BACE2: variants seen among roughly 807,000 people sequenced by gnomAD.
BACE2 encodes the protein 56 kDa aspartic-like protease.
Under a neutral mutation model 46.2 loss-of-function variants are expected in BACE2, and 17 were observed. The observed-to-expected ratio is 0.37, with a 90% CI of 0.25 to 0.55. BACE2 has a LOEUF of 0.55. Ranked by LOEUF, BACE2 falls within the 20% of genes least tolerant of loss-of-function variation. BACE2 has a pLI of 0.82. For synonymous variants in BACE2, 277 were observed against 295.9 expected, an observed-to-expected ratio of 0.94 and a Z score of 0.66; for missense variants, 595 against 698.1, an observed-to-expected ratio of 0.85 and a Z score of 1.66.
intron 8 of BACE2, among the ~76,000 whole-genome samples, chr21:41,261,935 GT>G (rs1297003050): frequency 6.6e-6 from 1 of 152,106 alleles, no homozygotes; most frequent in Non-Finnish European, 1.5e-5. Flanking sequence ...TGAGTATGTA[GT>G]TTTTGCTGAG....
At chr21:41,243,196 G>T (rs2123604434) in intron 4 of BACE2, among the ~76,000 whole-genome samples, 180 bp from the exon 5 acceptor site, 1 of 152,352 alleles carries the variant, frequency 6.6e-6, no homozygotes. Flanking sequence ...ACAAGCGTGA[G>T]CCACCGCGCC....
chr21:41,240,560 C>T (rs567991735), intron 3 of BACE2, among the ~76,000 whole-genome samples: 1 of 152,198 alleles, frequency 6.6e-6, no homozygotes, highest in Non-Finnish European at 1.5e-5. Flanking sequence ...ACAAGTCACT[C>T]GGCTGGCAAG....
chr21:41,178,891 G>T, intron 1 of BACE2: 1 of 299,218 alleles, frequency 3.3e-6, no homozygotes, highest in Non-Finnish European at 6.4e-6. Context: ...GAGGAGTGCT[G>T]TGAGACAGTG....
rs540016210 is a variant in BACE2 at position 41,266,662 on chromosome 21, G to A, written c.1304-8709G>A. 2.0e-3 allele frequency among the ~76,000 whole-genome samples: 304 copies of A among 152,272 alleles called. 2 individuals are homozygous for A. The highest frequency in any genetic ancestry group is 2.2e-3 in the Non-Finnish European group (151 of 68,030). ...CAGGCTTCTGTTGGCAGAATTTCCCGGCTCCTTTCACCAATGGGCAAGGTT... is the reference window on the plus strand; with the variant it reads ...CAGGCTTCTGTTGGCAGAATTTCCCAGCTCCTTTCACCAATGGGCAAGGTT... On this transcript the variant is annotated intron_variant, in intron 8 of 8. Coordinates refer to ENST00000330333, the MANE Select transcript of BACE2 (RefSeq NM_012105.5).
At chr21:41,206,009 G>C (rs552696377) in intron 1 of BACE2, among the ~76,000 whole-genome samples, 1 of 152,208 alleles carries the variant, frequency 6.6e-6, no homozygotes, top group Non-Finnish European at 1.5e-5. Context: ...ATTCACAATA[G>C]CAAAAGGTGG....
At chr21:41,228,601 A>C (rs1986886046) in intron 2 of BACE2, among the ~76,000 whole-genome samples, 1 of 152,112 alleles carries the variant, frequency 6.6e-6, no homozygotes, top group Admixed American at 6.5e-5. Flanking sequence ...TTTTTTCAAC[A>C]ATCGATCAGC....
chr21:41,237,648 T>G lies in BACE2; in HGVS notation c.537T>G (p.Thr179=). The G allele has an allele frequency of 6.2e-7, 1 of 1,614,224 alleles. No homozygotes were observed. The highest frequency in any genetic ancestry group is 2.2e-5 in the East Asian group (1 of 44,892). ...FNTSFLVNIA[T]IFESENFFLP... Reference sequence around the variant, plus strand: ...CTTCTTTTCTTGTCAACATTGCCACTATTTTTGAATCAGAGAATTTCTTTT... The same window carrying G: ...CTTCTTTTCTTGTCAACATTGCCACGATTTTTGAATCAGAGAATTTCTTTT... The change falls in exon 3 of 9, where the codon ACT becomes ACG. Residue 179 remains threonine, a synonymous_variant. Coordinates refer to ENST00000330333, the MANE Select transcript of BACE2 (RefSeq NM_012105.5).
At chr21:41,207,227 C>G (rs147041144) in intron 1 of BACE2, among the ~76,000 whole-genome samples, 2 of 152,172 alleles carry the variant, frequency 1.3e-5, no homozygotes, top group East Asian at 3.8e-4. Context: ...GGGGTTCTTT[C>G]GGAGTGGCTT....
At chr21:41,209,604 A>G (rs145940499) in intron 1 of BACE2, among the ~76,000 whole-genome samples, 1 of 152,326 alleles carries the variant, frequency 6.6e-6, no homozygotes, top group Non-Finnish European at 1.5e-5. Flanking sequence ...GTGCTTTTAT[A>G]GAGGCAGGAC....
chr21:41,274,657 G>A (rs1167201468), intron 8 of BACE2, among the ~76,000 whole-genome samples: 7 of 152,214 alleles, frequency 4.6e-5, no homozygotes, highest in Admixed American at 3.9e-4. Context: ...TTATTCAAGA[G>A]TCTCTAGCAG....
At chr21:41,196,456 C>T (rs994204498) in intron 1 of BACE2, among the ~76,000 whole-genome samples, 5 of 152,148 alleles carry the variant, frequency 3.3e-5, no homozygotes, top group African/African-American at 4.8e-5. Context: ...AAATAACCCA[C>T]GTGTGCCTCA....
intron 1 of BACE2, chr21:41,179,519 G>A: frequency 7.3e-7 from 1 of 1,360,714 alleles, no homozygotes; most frequent in East Asian, 4.6e-5. Flanking sequence ...GTGAGTGAGG[G>A]TGTCCAGGGT....
intron 1 of BACE2, among the ~76,000 whole-genome samples, chr21:41,217,313 G>T (rs1016779940): frequency 1.3e-5 from 2 of 152,164 alleles, no homozygotes. Flanking sequence ...TTTTTTTAGG[G>T]CGATTGATGT....
chr21:41,230,675 A>G (rs901929554), intron 2 of BACE2, among the ~76,000 whole-genome samples: 6 of 152,200 alleles, frequency 3.9e-5, no homozygotes, highest in Non-Finnish European at 7.3e-5. Context: ...AACATGTTAC[A>G]GTAATTGGAG....
chr21:41,275,532 C>G lies in BACE2; in HGVS notation c.1465C>G (p.Leu489Val). Reference sequence around the variant, plus strand: ...AGCCATCCTCCTTGTCTTAATCGTCCTGCTGCTGCTGCCGTTCCGGTGTCA... The same window carrying G: ...AGCCATCCTCCTTGTCTTAATCGTCGTGCTGCTGCTGCCGTTCCGGTGTCA... ...CGAILLVLIV[L>V]LLLPFRCQRR... is the part of the protein sequence containing the mutation. Residue 489 changes from leucine (L) to valine (V), a missense_variant, in exon 9 of 9, where the codon CTG becomes GTG. Around this residue, in one of 3 missense-constraint regions of BACE2, gnomAD observed 343 missense variants for 419.4 expected, o/e 0.82. Transcript: ENST00000330333. 6.2e-7 allele frequency: 1 copy of G among 1,613,784 alleles called. No homozygotes were observed. The highest frequency in any genetic ancestry group is 8.5e-7 in the Non-Finnish European group (1 of 1,179,894).
chr21:41,221,848 A>G (rs1986665784), intron 1 of BACE2, among the ~76,000 whole-genome samples: 1 of 138,974 alleles, frequency 7.2e-6, no homozygotes, highest in Non-Finnish European at 1.6e-5. Context: ...AAAAAAAAAA[A>G]AAAGTGTCAG....
intron 6 of BACE2, among the ~76,000 whole-genome samples, chr21:41,249,828 T>G (rs1987588699): frequency 6.6e-6 from 1 of 152,202 alleles, no homozygotes; most frequent in African/African-American, 2.4e-5. Context: ...GCTCGGGGCC[T>G]GCCTGTGAGG....
chr21:41,218,084 T>C (rs988955567), intron 1 of BACE2, among the ~76,000 whole-genome samples: 14 of 152,220 alleles, frequency 9.2e-5, no homozygotes, highest in African/African-American at 3.4e-4. Context: ...ATGTAAAAAG[T>C]GAGTCCCGTT....
chr21:41,264,708 C>T (rs1268206802), intron 8 of BACE2, among the ~76,000 whole-genome samples: 2 of 152,084 alleles, frequency 1.3e-5, no homozygotes, highest in African/African-American at 2.4e-5. Flanking sequence ...CCCCATGATC[C>T]AGTCACCTCC....
Sources: allele counts gnomAD v4.1 joint callset (sites outside exome capture counted in the v4.1 genomes callset), GRCh38; gene constraint gnomAD v4.1.1; regional missense constraint gnomAD v4.1.1; transcripts MANE v1.5; gene names NCBI Gene and HGNC (gene_info 2026-07-23, HGNC 2026-07-21).